The following YTHDC2 variants were observed in gnomAD, a reference collection of about 807,000 sequenced individuals.
The protein encoded by YTHDC2 is YTH N6-methyladenosine RNA binding protein C2.
A neutral mutation model predicts 174.9 loss-of-function variants in YTHDC2; 45 were observed. That is an observed-to-expected ratio of 0.26 (90% confidence interval 0.20 to 0.33). The LOEUF is 0.33. Ranked by LOEUF, YTHDC2 falls within the 10% of genes least tolerant of loss-of-function variation. The pLI is 1.00. For synonymous variants in YTHDC2, 657 were observed against 574.5 expected, an observed-to-expected ratio of 1.14 and a Z score of -2.05; for missense variants, 1,650 against 1,723.7, an observed-to-expected ratio of 0.96 and a Z score of 0.76.
intron 23 of YTHDC2, among the ~76,000 whole-genome samples, chr5:113,568,167 A>T (rs921975709): frequency 6.6e-6 from 1 of 152,142 alleles, no homozygotes; most frequent in African/African-American, 2.4e-5. Flanking sequence ...AGCCACCCAT[A>T]ATCTCATTTT....
chr5:113,544,242 G>A (rs761556256), intron 10 of YTHDC2, among the ~76,000 whole-genome samples: 2 of 152,084 alleles, frequency 1.3e-5, no homozygotes, highest in Non-Finnish European at 2.9e-5. Context: ...TCTGCCTCCC[G>A]GGTTCAAGTG....
intron 23 of YTHDC2, among the ~76,000 whole-genome samples, chr5:113,571,730 T>G (rs1777733208): frequency 6.6e-6 from 1 of 152,134 alleles, no homozygotes; most frequent in Admixed American, 6.6e-5. Context: ...GGAATCTACC[T>G]CTTTCTTCTA....
chr5:113,563,237 T>C (rs1476936659), intron 18 of YTHDC2, 136 bp from the exon 19 acceptor site: 2 of 674,540 alleles, frequency 3.0e-6, no homozygotes, highest in Non-Finnish European at 4.5e-6. Context: ...AGAAAGACAT[T>C]GTTCCTTCTA....
At chr5:113,561,226 AG>A in intron 18 of YTHDC2, 41 bp downstream of exon 18, 2 of 1,496,584 alleles carry the variant, frequency 1.3e-6, no homozygotes, top group African/African-American at 2.8e-5. Flanking sequence ...TTTTTGGGTG[AG>A]GGAAGTGAGG....
intron 23 of YTHDC2, among the ~76,000 whole-genome samples, chr5:113,568,673 C>T (rs552439675): frequency 1.3e-5 from 2 of 152,296 alleles, no homozygotes; most frequent in South Asian, 4.1e-4. Context: ...TGGCTTCCAA[C>T]TTCAGCCATG....
chr5:113,581,172 G>A (rs6883557), intron 24 of YTHDC2: 84,298 of 342,976 alleles, frequency 0.25, 13,810 homozygotes, highest in African/African-American at 0.55. Context: ...ATCACACTCT[G>A]CCACAACTAT....
At chr5:113,529,217 A>G (rs185274812) in intron 4 of YTHDC2, among the ~76,000 whole-genome samples, 170 of 152,292 alleles carry the variant, frequency 1.1e-3, no homozygotes, top group Non-Finnish European at 2.5e-4. Context: ...ATTTCAAGAC[A>G]TGGAGGTTTT....
chr5:113,561,957 G>GGTGGGTGGGTGTGT lies in YTHDC2; in HGVS notation c.2322+775_2322+776insGGTGGGTGTGTGTG, dbSNP rs1347716150. Among the ~76,000 whole-genome samples, 747 of 134,916 alleles carry GGTGGGTGGGTGTGT rather than the reference G, an allele frequency of 5.5e-3. 2 individuals carry two copies. Among genetic ancestry groups the GGTGGGTGGGTGTGT allele is most frequent in the African/African-American group, 0.017 (584 of 35,002 alleles). 88.5% of individuals were successfully genotyped at this position (134,916 alleles called of 152,430 possible). A position where few individuals can be genotyped will look rare whatever the true frequency, so the allele number is the denominator to read the frequency against. On this transcript the variant is annotated intron_variant, in intron 18 of 29. Coordinates refer to ENST00000161863, the MANE Select transcript of YTHDC2 (RefSeq NM_022828.5). ...GATTTTCTGACCTCTATTAATTGTG[G>GGTGGGTGGGTGTGT]GTGTGTGTGTGTGTGTGTGTGTGTG...
At chr5:113,528,543 G>T (rs1012014621) in intron 4 of YTHDC2, among the ~76,000 whole-genome samples, 2 of 150,698 alleles carry the variant, frequency 1.3e-5, no homozygotes, top group African/African-American at 4.9e-5. Context: ...TTTCTTTTGC[G>T]ACAGCGCTTC....
intron 13 of YTHDC2, 79 bp downstream of exon 13, chr5:113,553,438 A>G (rs1253924571): frequency 1.4e-6 from 2 of 1,440,496 alleles, no homozygotes; most frequent in Non-Finnish European, 1.9e-6. Flanking sequence ...AAATTTTTAT[A>G]TAATTGCACT....
chr5:113,588,313 G>C (rs557550156), intron 26 of YTHDC2, among the ~76,000 whole-genome samples: 4 of 152,012 alleles, frequency 2.6e-5, no homozygotes, highest in Non-Finnish European at 5.9e-5. Flanking sequence ...TTAGTATGGT[G>C]AATTTCATTG....
At chr5:113,516,353 G>T (rs1253888164) in intron 2 of YTHDC2, among the ~76,000 whole-genome samples, 1 of 152,112 alleles carries the variant, frequency 6.6e-6, no homozygotes, top group Admixed American at 6.5e-5. Context: ...AAATTGTTTT[G>T]TTTTGTTGGG....
intron 12 of YTHDC2, among the ~76,000 whole-genome samples, chr5:113,549,350 G>A (rs1026369391): frequency 3.3e-5 from 5 of 152,116 alleles, no homozygotes; most frequent in African/African-American, 1.2e-4. Context: ...AAGTCAAAGA[G>A]AATGGAAGAG....
At position 113,548,963 on chromosome 5, in the gene YTHDC2, T is replaced by C. The variant is rs374749034; in HGVS notation, c.1631T>C (p.Leu544Ser). The change falls in exon 12 of 30, where the codon TTG (leucine) becomes TCG (serine). Residue 544 changes from leucine to serine, a missense_variant. Physicochemically the swap from Leu to Ser is moderately radical, Grantham distance 145. Coordinates refer to ENST00000161863, the MANE Select transcript of YTHDC2 (RefSeq NM_022828.5). ...HSKASNGWMA[L>S]DWAKHFGQTE... The stretch of plus-strand genomic sequence containing the variant: ...CCTTTGAATTTTGGCAGGATGGCAT[T>C]GGATTGGGCTAAACACTTTGGGCAG... 53 of 1,612,006 alleles carry C rather than the reference T, an allele frequency of 3.3e-5. No homozygotes were observed. The South Asian group carries it at 4.7e-4, about 14-fold the overall frequency.
chr5:113,515,708 G>C (rs1231657004), intron 2 of YTHDC2, among the ~76,000 whole-genome samples: 1 of 152,142 alleles, frequency 6.6e-6, no homozygotes, highest in Non-Finnish European at 1.5e-5. Context: ...GCATACATAG[G>C]GGAGAACTCG....
chr5:113,570,157 C>T (rs181054865), intron 23 of YTHDC2, among the ~76,000 whole-genome samples: 4 of 152,046 alleles, frequency 2.6e-5, no homozygotes, highest in Non-Finnish European at 5.9e-5. Flanking sequence ...AGTGCAGTGG[C>T]ACAATCTCAG....
chr5:113,525,909 G>A (rs1774193169), intron 3 of YTHDC2, among the ~76,000 whole-genome samples: 1 of 151,900 alleles, frequency 6.6e-6, no homozygotes, highest in Non-Finnish European at 1.5e-5. Context: ...TTTAAATATA[G>A]GCACACAAAC....
chr5:113,561,039 T>C (rs1776928454), intron 17 of YTHDC2, 41 bp from the exon 18 acceptor site: 2 of 1,521,614 alleles, frequency 1.3e-6, no homozygotes. Flanking sequence ...TTGTAGCCTT[T>C]ATTCGTTGTT....
chr5:113,581,485 A>G lies in YTHDC2; in HGVS notation c.3423A>G (p.Pro1141=). 1.1e-5 allele frequency: 18 copies of G among 1,614,000 alleles called. No homozygotes were observed. The highest frequency in any genetic ancestry group is 1.5e-5 in the Non-Finnish European group (18 of 1,179,922). ...TATTTTTACGCCGAATGAGAGCTCC[A>G]TCTAAACCTTGGTCTCAAGTTGATG... The part of the protein sequence containing the change: ...HSLFLRRMRA[P]SKPWSQVDEA... Residue 1141 remains proline (P), a synonymous_variant, in exon 25 of 30, where the codon CCA becomes CCG. Transcript: ENST00000161863.
Sources: gnomAD v4.1 joint callset for allele counts (sites outside exome capture counted in the v4.1 genomes callset) on GRCh38, gnomAD v4.1.1 for gene constraint, MANE v1.5 for transcripts, NCBI Gene and HGNC (gene_info 2026-07-23, HGNC 2026-07-21) for gene names.